Variants in CDH19 observed in about 807,000 individuals in gnomAD.
The protein encoded by CDH19 is cadherin-19.
Under a neutral mutation model 64.2 loss-of-function variants are expected in CDH19, and 67 were observed. That is an observed-to-expected ratio of 1.04 (90% CI 0.86 to 1.28). The LOEUF (loss-of-function observed/expected upper bound fraction) is 1.28, where lower values mean the gene tolerates loss of function less well. Ranked by LOEUF, CDH19 falls within the 50% of genes most tolerant of loss-of-function variation. The pLI, the probability that CDH19 is intolerant of heterozygous loss-of-function variation, is 0.00. For missense variants in CDH19, 1,030 were observed against 929.0 expected (o/e 1.11, Z -1.41); for synonymous variants, 346 against 319.3 (o/e 1.08, Z -0.89).
intron 7 of CDH19, among the ~76,000 whole-genome samples, chr18:66,540,536 A>G (rs1986848178): frequency 6.6e-6 from 1 of 152,154 alleles, no homozygotes; most frequent in East Asian, 1.9e-4. Context: ...GTATGAGATT[A>G]TGATGCCAGC....
chr18:66,597,816 A>G (rs2144643672), intron 1 of CDH19, among the ~76,000 whole-genome samples: 1 of 152,260 alleles, frequency 6.6e-6, no homozygotes, highest in East Asian at 1.9e-4. Context: ...GAAGACATGC[A>G]CACAGCCAAC....
At chr18:66,536,763 C>T (rs1419105369) in intron 7 of CDH19, among the ~76,000 whole-genome samples, 1 of 151,654 alleles carries the variant, frequency 6.6e-6, no homozygotes, top group Non-Finnish European at 1.5e-5. Context: ...GTTTTCTTTT[C>T]CCCCACTCCA....
Position 66,579,805 on chromosome 18 carries a change from A to G in CDH19, c.-112-7489T>C, listed in dbSNP as rs948910301. On this transcript the variant is annotated intron_variant, in intron 1 of 11. Transcript: ENST00000262150. ...CTAATGTAGAGATGAGCAATAGATG[A>G]TAATGAGAAAGTATTGCCAGTTTTT... Among the ~76,000 whole-genome samples the G allele has an allele frequency of 1.2e-4, 19 of 152,192 alleles. 1 individual carries two copies. Among genetic ancestry groups the G allele is most frequent in the South Asian group, 4.1e-4 (2 of 4,826 alleles).
intron 1 of CDH19, among the ~76,000 whole-genome samples, chr18:66,602,788 C>T (rs949427418): frequency 6.6e-6 from 1 of 151,554 alleles, no homozygotes; most frequent in African/African-American, 2.4e-5. Flanking sequence ...TAATTGCAGA[C>T]AATAATGAAA....
chr18:66,510,211 AC>A (rs1165635108), intron 10 of CDH19, among the ~76,000 whole-genome samples: 1 of 151,660 alleles, frequency 6.6e-6, no homozygotes, highest in Non-Finnish European at 1.5e-5. Context: ...TTCCCAAATC[AC>A]CTTTTTAAAG....
At position 66,501,564 on chromosome 18, in the gene CDH19, CTT is replaced by C. The variant is rs1246106807; in HGVS notation, c.*3246_*3247del. ...CCTATGGGGAAGGTGAGGAAGTTGACTTTTATTTTCAATGTGCCGTGAGGCTG... is the reference window on the plus strand; with the variant it reads ...CCTATGGGGAAGGTGAGGAAGTTGACTTATTTTCAATGTGCCGTGAGGCTG... On this transcript the variant is annotated 3_prime_UTR_variant, in exon 12 of 12. Coordinates refer to ENST00000262150, the MANE Select transcript of CDH19 (RefSeq NM_021153.4). 6.6e-6 allele frequency: 1 copy of C among 152,104 alleles called. No homozygotes were observed. Among genetic ancestry groups the C allele is most frequent in the African/African-American group, 2.4e-5 (1 of 41,406 alleles). 9.4% of individuals were successfully genotyped at this position (152,104 alleles called of 1,614,324 possible).
chr18:66,592,391 T>C (rs1271081165), intron 1 of CDH19, among the ~76,000 whole-genome samples: 1 of 151,832 alleles, frequency 6.6e-6, no homozygotes, highest in Non-Finnish European at 1.5e-5. Context: ...GTTAGGAACA[T>C]TCTGAATCCT....
intron 10 of CDH19, among the ~76,000 whole-genome samples, chr18:66,510,285 C>G (rs2144343226): frequency 6.6e-6 from 1 of 151,632 alleles, no homozygotes; most frequent in South Asian, 2.1e-4. Context: ...CTAGGCAGAT[C>G]TAAGAGTTGA....
rs957993066 is a variant in CDH19, at chr18:66,504,570, T to G, written c.*242A>C. 3.1e-5 allele frequency: 12 copies of G among 381,934 alleles called. No homozygotes were observed. Among genetic ancestry groups the G allele is most frequent in the Non-Finnish European group, 5.6e-5 (12 of 212,654 alleles). 23.7% of individuals were successfully genotyped at this position (381,934 alleles called of 1,614,324 possible). A position where few individuals can be genotyped will look rare whatever the true frequency, so the allele number is the denominator to read the frequency against. On this transcript the variant is annotated 3_prime_UTR_variant, in exon 12 of 12. Coordinates refer to ENST00000262150, the MANE Select transcript of CDH19 (RefSeq NM_021153.4). Reference sequence around the variant, plus strand: ...ACTTTTAATATCTTCCTAAATTATTTTACTTCAAATCTGGTTGTATTGATG... The same window carrying G: ...ACTTTTAATATCTTCCTAAATTATTGTACTTCAAATCTGGTTGTATTGATG...
chr18:66,587,125 C>A lies in CDH19; in HGVS notation c.-112-14809G>T, dbSNP rs141252439. 2.6e-5 allele frequency among the ~76,000 whole-genome samples: 4 copies of A among 152,168 alleles called. No individual in the cohort carries two copies. The East Asian group carries it at 7.7e-4, about 29-fold the overall frequency. On this transcript the variant is annotated intron_variant, in intron 1 of 11. Transcript: ENST00000262150. The stretch of plus-strand genomic sequence containing the variant: ...GAAGGTGATATTTCATCCCAGCACT[C>A]TGACTAATCCTGCTCTTCAGCAAAG...
chr18:66,538,695 T>C (rs1986772537), intron 7 of CDH19, among the ~76,000 whole-genome samples: 1 of 152,108 alleles, frequency 6.6e-6, no homozygotes, highest in East Asian at 1.9e-4. Flanking sequence ...CTCTATTAGA[T>C]TTATTAAAAT....
intron 5 of CDH19, among the ~76,000 whole-genome samples, chr18:66,549,869 A>T (rs1357719634): frequency 1.3e-5 from 2 of 152,080 alleles, no homozygotes; most frequent in African/African-American, 4.8e-5. Flanking sequence ...AATTTGTATG[A>T]TGCCAACTTC....
At chr18:66,549,290 G>A (rs1330007478) in intron 5 of CDH19, among the ~76,000 whole-genome samples, 2 of 152,032 alleles carry the variant, frequency 1.3e-5, no homozygotes, top group African/African-American at 2.4e-5. Flanking sequence ...ATATTTTATC[G>A]CAGCAAGTTC....
chr18:66,595,271 A>G (rs1988854873), intron 1 of CDH19, among the ~76,000 whole-genome samples: 1 of 151,620 alleles, frequency 6.6e-6, no homozygotes, highest in Non-Finnish European at 1.5e-5. Context: ...ATAACGTAAC[A>G]TCACACCTAG....
chr18:66,575,151 C>T (rs1490721691), intron 1 of CDH19, among the ~76,000 whole-genome samples: 1 of 151,758 alleles, frequency 6.6e-6, no homozygotes, highest in Non-Finnish European at 1.5e-5. Flanking sequence ...AGAGGATAAG[C>T]ACAGACCTGT....
chr18:66,523,329 T>C (rs777594486), intron 9 of CDH19, among the ~76,000 whole-genome samples: 2 of 152,088 alleles, frequency 1.3e-5, no homozygotes, highest in Non-Finnish European at 2.9e-5. Context: ...TAAGGAGAAC[T>C]CTAAAGGGTA....
chr18:66,544,590 C>T, intron 6 of CDH19, 129 bp downstream of exon 6: 1 of 608,658 alleles, frequency 1.6e-6, no homozygotes. Context: ...AAATCCTTGT[C>T]TCCATAAAAC....
At position 66,572,191 on chromosome 18, in the gene CDH19, A is replaced by G. The variant is rs747403524; in HGVS notation, c.14T>C (p.Leu5Ser). ...AATTCCCAACATAAAACGCAGCAGT[A>G]AATAACAGTTCATTGCGTTGACTCT... The part of the protein sequence containing the change: MNCY[L>S]LLRFMLGIPL... The change falls in exon 2 of 12, where the codon TTA (leucine) becomes TCA (serine). Residue 5 changes from leucine to serine, a missense_variant. By Grantham distance (145) the Leu-to-Ser change is moderately radical. Transcript: ENST00000262150. 2 of 1,610,408 alleles carry G rather than the reference A, an allele frequency of 1.2e-6. No homozygotes were observed. Among genetic ancestry groups the G allele is most frequent in the Non-Finnish European group, 1.7e-6 (2 of 1,177,580 alleles).
intron 7 of CDH19, among the ~76,000 whole-genome samples, chr18:66,538,117 TA>T (rs1342858965): frequency 2.6e-5 from 4 of 152,226 alleles, no homozygotes; most frequent in South Asian, 2.1e-4. Context: ...AGTATCCATG[TA>T]AAAAATATAT....
Sources: gnomAD v4.1 joint callset for allele counts (sites outside exome capture counted in the v4.1 genomes callset) on GRCh38, gnomAD v4.1.1 for gene constraint, MANE v1.5 for transcripts, NCBI Gene and HGNC (gene_info 2026-07-23, HGNC 2026-07-21) for gene names.